The following YWHAZ variants were observed in gnomAD, a reference collection of about 807,000 sequenced individuals.
YWHAZ encodes tyrosine 3-monooxygenase/tryptophan 5-monooxygenase activation protein zeta, also known as 14-3-3 protein zeta/delta.
For missense variants in YWHAZ, 79 were observed against 284.8 expected (o/e 0.28, Z 5.20); for synonymous variants, 87 against 103.6 (o/e 0.84, Z 0.97).
chr8:100,952,312 G>A (rs1349283586), upstream of YWHAZ: 1 of 250,662 alleles, frequency 4.0e-6, no homozygotes, highest in Non-Finnish European at 6.3e-6. Context: ...AGTGCACCTA[G>A]GGCAGGAGGC....
upstream of YWHAZ, chr8:100,952,041 G>A (rs1810831749): frequency 4.0e-6 from 4 of 990,106 alleles, no homozygotes; most frequent in Non-Finnish European, 4.8e-6. Context: ...GCTGCTCACA[G>A]GCTACAGCCG....
At chr8:100,952,591 C>G (rs1459027571), upstream of YWHAZ, 1 of 198,292 alleles carries the variant, frequency 5.0e-6, no homozygotes, top group Non-Finnish European at 9.1e-6. Context: ...CCCGGCCCGC[C>G]CCACCCTCCG....
At chr8:100,941,782 T>C (rs1443627206) in intron 2 of YWHAZ, among the ~76,000 whole-genome samples, 1 of 136,702 alleles carries the variant, frequency 7.3e-6, no homozygotes, top group African/African-American at 2.8e-5. Context: ...GAGACTGCTA[T>C]CTCAGAAAAA....
chr8:100,928,116 T>C lies in YWHAZ; in HGVS notation c.295-3077A>G, dbSNP rs1813492450. On this transcript the variant is annotated intron_variant, in intron 2 of 5. Transcript: ENST00000395958. ...AACAAGGTGAAACCCCGGTCTCTAC[T>C]ACAAAAAGAAAAAATTAGCCAGGTG... Among the ~76,000 whole-genome samples the C allele has an allele frequency of 2.0e-5, 3 of 151,930 alleles. No individual in the cohort carries two copies. In the South Asian group the frequency reaches 6.2e-4, roughly 32 times the overall value.
chr8:100,918,439 T>TATATATATATATAC lies in YWHAZ; in HGVS notation c.*2253_*2254insGTATATATATATAT. 1 of 115,604 alleles carries TATATATATATATAC rather than the reference T, an allele frequency of 8.7e-6. No homozygotes were observed. The highest frequency in any genetic ancestry group is 3.3e-5 in the African/African-American group (1 of 30,652). The allele number at this position is 115,604 out of a possible 1,614,324, so 7.2% of individuals were successfully genotyped here. A position where few individuals can be genotyped will look rare whatever the true frequency, so the allele number is the denominator to read the frequency against. ...ATATATATATATATATATATATATATATATAATTATTTTACCTCCTTGGCT... is the reference window on the plus strand; with the variant it reads ...ATATATATATATATATATATATATATATATATATATATACATATAATTATTTTACCTCCTTGGCT... On this transcript the variant is annotated 3_prime_UTR_variant, in exon 6 of 6. Transcript: ENST00000395958.
At chr8:100,938,070 C>T (rs534631582) in intron 2 of YWHAZ, among the ~76,000 whole-genome samples, 1 of 152,258 alleles carries the variant, frequency 6.6e-6, no homozygotes, top group East Asian at 1.9e-4. Context: ...GCAGAGGTTG[C>T]GGTGAGCCAA....
chr8:100,949,025 T>A, intron 1 of YWHAZ, 125 bp from the exon 2 acceptor site: 1 of 1,151,758 alleles, frequency 8.7e-7, no homozygotes, highest in Non-Finnish European at 1.2e-6. Context: ...ACTGTTCACA[T>A]GAGGAATTAA....
chr8:100,950,199 A>C (rs1384805833), intron 1 of YWHAZ, among the ~76,000 whole-genome samples: 3 of 152,190 alleles, frequency 2.0e-5, no homozygotes, highest in Non-Finnish European at 4.4e-5. Flanking sequence ...AGGTCTCTAA[A>C]TTACTGATTT....
chr8:100,952,827 C>T (rs1810900799), upstream of YWHAZ: 6 of 1,000,470 alleles, frequency 6.0e-6, no homozygotes, highest in South Asian at 2.3e-4. Flanking sequence ...CTCCCGGCCT[C>T]CCTCCCGCCG....
At chr8:100,920,831 T>C (rs1812974007) in intron 5 of YWHAZ, 79 bp from the exon 6 acceptor site, 1 of 1,018,010 alleles carries the variant, frequency 9.8e-7, no homozygotes, top group East Asian at 2.8e-5. Context: ...AGTGCCAAGA[T>C]ACCTGAATGT....
intron 2 of YWHAZ, among the ~76,000 whole-genome samples, chr8:100,928,624 T>G (rs1813533903): frequency 6.6e-6 from 1 of 151,304 alleles, no homozygotes; most frequent in African/African-American, 2.4e-5. Flanking sequence ...TCCCAGGTAC[T>G]CAGGAGGCTG....
At chr8:100,937,461 A>G (rs1480147816) in intron 2 of YWHAZ, among the ~76,000 whole-genome samples, 4 of 152,236 alleles carry the variant, frequency 2.6e-5, no homozygotes, top group Non-Finnish European at 4.4e-5. Flanking sequence ...TAATTCGCAC[A>G]AAGATAATTA....
chr8:100,937,683 A>G (rs1176311870), intron 2 of YWHAZ, among the ~76,000 whole-genome samples: 1 of 151,538 alleles, frequency 6.6e-6, no homozygotes, highest in Admixed American at 6.5e-5. Context: ...CTTCCAAAAC[A>G]ACAAATGAAG....
At chr8:100,945,994 C>A (rs1188361711) in intron 2 of YWHAZ, among the ~76,000 whole-genome samples, 2 of 152,048 alleles carry the variant, frequency 1.3e-5, no homozygotes, top group East Asian at 3.9e-4. Flanking sequence ...CTCTTCAAAG[C>A]CATTTGTATA....
In YWHAZ at chr8:100,944,663, T is replaced by A. The variant is rs374677258; in HGVS notation, c.294+3933A>T. 3.8e-4 allele frequency among the ~76,000 whole-genome samples: 58 copies of A among 152,336 alleles called. 2 individuals are homozygous for A. In the South Asian group the frequency reaches 0.012, roughly 31 times the overall value. On this transcript the variant is annotated intron_variant, in intron 2 of 5. Transcript: ENST00000395958. ...TCTTCAATCTTCGAAATTCCATTCA[T>A]GGACTGTAAGTTAAGAGACCCCTGC...
upstream of YWHAZ, chr8:100,952,183 C>CT: frequency 1.0e-6 from 1 of 983,706 alleles, no homozygotes; most frequent in Non-Finnish European, 1.2e-6. Flanking sequence ...GTAACCGCCG[C>CT]TCCCCGGCGC....
rs1812839952 is a variant in YWHAZ at position 100,918,905 on chromosome 8, C to A, written c.*1788G>T. The A allele has an allele frequency of 6.6e-6, 1 of 152,460 alleles. No homozygotes were observed. The highest frequency in any genetic ancestry group is 1.5e-5 in the Non-Finnish European group (1 of 68,010). 9.4% of individuals were successfully genotyped at this position (152,460 alleles called of 1,614,324 possible). ...CTGAGGAAATATTTTGTAAAGTGAG[C>A]TTTGGGTATAACTTAGCCCCATCAT... On this transcript the variant is annotated 3_prime_UTR_variant, in exon 6 of 6. Transcript: ENST00000395958.
At chr8:100,951,694 A>G in intron 1 of YWHAZ, 1 of 985,146 alleles carries the variant, frequency 1.0e-6, no homozygotes, top group Non-Finnish European at 1.2e-6. Flanking sequence ...GCGAGCACCG[A>G]TCGGCGCCGG....
intron 2 of YWHAZ, among the ~76,000 whole-genome samples, chr8:100,942,459 A>C (rs1307031751): frequency 6.6e-6 from 1 of 152,240 alleles, no homozygotes; most frequent in African/African-American, 2.4e-5. Flanking sequence ...ATAATAAAAA[A>C]GAGAGAACTG....
Sources: allele counts gnomAD v4.1 joint callset (sites outside exome capture counted in the v4.1 genomes callset), GRCh38; gene constraint gnomAD v4.1.1; transcripts MANE v1.5; gene names NCBI Gene and HGNC (gene_info 2026-07-23, HGNC 2026-07-21).